Variants in DLGAP2 observed in about 807,000 individuals in gnomAD.
DLGAP2 encodes the protein disks large-associated protein 2.
Under a neutral mutation model 100.3 loss-of-function variants are expected in DLGAP2, and 26 were observed. That is an observed-to-expected ratio of 0.26 (90% confidence interval 0.19 to 0.36). The LOEUF is 0.36. Among genes scored for constraint, DLGAP2 ranks in the 10% least tolerant of loss-of-function variants. The probability of loss-of-function intolerance (pLI) is 1.00; values close to 1 mark genes in which losing one functional copy is unlikely to be tolerated. For missense variants in DLGAP2, 1,858 were observed against 1,453.2 expected (o/e 1.28, Z -4.53); for synonymous variants, 886 against 630.1 (o/e 1.41, Z -6.08).
intron 3 of DLGAP2, among the ~76,000 whole-genome samples, chr8:1,289,144 G>C (rs1286830505): frequency 6.6e-6 from 1 of 152,180 alleles, no homozygotes; most frequent in Non-Finnish European, 1.5e-5. Context: ...TTTTAGCCTG[G>C]AGAAAGCCAA....
At chr8:1,479,945 G>GT (rs1799043279) in intron 3 of DLGAP2, among the ~76,000 whole-genome samples, 1 of 152,194 alleles carries the variant, frequency 6.6e-6, no homozygotes, top group Non-Finnish European at 1.5e-5. Context: ...TAGTGCTGGC[G>GT]TGACTTTTGT....
intron 1 of DLGAP2, among the ~76,000 whole-genome samples, chr8:821,883 G>A (rs552762150): frequency 2.6e-5 from 4 of 152,346 alleles, no homozygotes; most frequent in Middle Eastern, 3.4e-3. Flanking sequence ...CGCACACAGC[G>A]TGCCATTCCA....
intron 13 of DLGAP2, among the ~76,000 whole-genome samples, chr8:1,695,615 G>T (rs1799377886): frequency 6.6e-6 from 1 of 152,044 alleles, no homozygotes; most frequent in African/African-American, 2.4e-5. Context: ...CAGAAAGAGG[G>T]GGCACAGCCA....
intron 2 of DLGAP2, among the ~76,000 whole-genome samples, chr8:949,103 G>C (rs1799409850): frequency 1.3e-5 from 2 of 152,358 alleles, no homozygotes; most frequent in South Asian, 4.1e-4. Context: ...TGGGGTGGTT[G>C]GAGGTCGTGG....
intron 6 of DLGAP2, among the ~76,000 whole-genome samples, chr8:1,573,709 C>T (rs551508063): frequency 2.0e-5 from 3 of 152,236 alleles, no homozygotes; most frequent in South Asian, 4.1e-4. Context: ...AAGGGCCTGC[C>T]AAGGGCCTTT....
At chr8:817,322 T>G (rs1796501107) in intron 1 of DLGAP2, among the ~76,000 whole-genome samples, 2 of 152,208 alleles carry the variant, frequency 1.3e-5, no homozygotes, top group South Asian at 4.1e-4. Context: ...TCATCATTGT[T>G]TTTTATTTAT....
chr8:1,454,571 C>T (rs947893458), intron 3 of DLGAP2, among the ~76,000 whole-genome samples: 3 of 152,146 alleles, frequency 2.0e-5, no homozygotes, highest in African/African-American at 7.2e-5. Context: ...TGTGAGTGTT[C>T]ATTGCAAGGA....
At chr8:791,643 T>C (rs1303547711) in intron 1 of DLGAP2, among the ~76,000 whole-genome samples, 4 of 152,228 alleles carry the variant, frequency 2.6e-5, no homozygotes, top group Non-Finnish European at 5.9e-5. Context: ...TGATGTAATA[T>C]GCCAAATCTT....
chr8:1,509,517 C>G (rs561203165), intron 4 of DLGAP2, among the ~76,000 whole-genome samples: 25 of 151,736 alleles, frequency 1.6e-4, no homozygotes, highest in African/African-American at 5.8e-4. Flanking sequence ...GGAGCAATAC[C>G]TTGCAGCCAT....
At chr8:1,511,053 G>A (rs1470135088) in intron 4 of DLGAP2, among the ~76,000 whole-genome samples, 1 of 152,244 alleles carries the variant, frequency 6.6e-6, no homozygotes, top group Non-Finnish European at 1.5e-5. Context: ...AGTTAGTTCA[G>A]CTTGAAACCT....
intron 1 of DLGAP2, among the ~76,000 whole-genome samples, chr8:865,788 A>C (rs893838178): frequency 1.3e-5 from 2 of 152,162 alleles, no homozygotes; most frequent in Non-Finnish European, 2.9e-5. Flanking sequence ...CTTCGTGTAC[A>C]TTCCAGCTCA....
intron 3 of DLGAP2, among the ~76,000 whole-genome samples, chr8:1,352,096 G>C (rs1462245155): frequency 1.2e-5 from 1 of 86,172 alleles, no homozygotes; most frequent in African/African-American, 3.9e-5. Context: ...GTGTGGAAAG[G>C]CCGTGCGGGT....
intron 2 of DLGAP2, among the ~76,000 whole-genome samples, chr8:908,627 C>T (rs944026884): frequency 6.6e-6 from 1 of 152,184 alleles, no homozygotes. Flanking sequence ...AAGAATCAGT[C>T]AGGGCTTGTT....
chr8:793,830 A>G (rs1339294714), intron 1 of DLGAP2, among the ~76,000 whole-genome samples: 1 of 152,204 alleles, frequency 6.6e-6, no homozygotes, highest in Non-Finnish European at 1.5e-5. Flanking sequence ...ACCAAGGACA[A>G]CATCTTCCTT....
At chr8:1,491,271 G>T (rs1025738880) in intron 3 of DLGAP2, among the ~76,000 whole-genome samples, 7 of 152,106 alleles carry the variant, frequency 4.6e-5, no homozygotes, top group South Asian at 2.1e-4. Context: ...TGGCAGCCCT[G>T]CCCAGGAACT....
intron 3 of DLGAP2, among the ~76,000 whole-genome samples, chr8:1,489,381 C>T (rs980227133): frequency 6.6e-6 from 1 of 152,164 alleles, no homozygotes; most frequent in Admixed American, 6.5e-5. Flanking sequence ...CTGTGGGTGT[C>T]TTTCTAGATC....
chr8:920,040 A>C (rs769873472), intron 2 of DLGAP2, among the ~76,000 whole-genome samples: 17 of 152,166 alleles, frequency 1.1e-4, no homozygotes, highest in Non-Finnish European at 2.4e-4. Flanking sequence ...TGTTACAGAG[A>C]AAGCACGCGG....
chr8:1,620,688 C>T (rs7835635), intron 6 of DLGAP2, among the ~76,000 whole-genome samples: 43,970 of 151,928 alleles, frequency 0.29, 7,109 homozygotes, highest in Middle Eastern at 0.44. Flanking sequence ...TTTGGTGTCT[C>T]ATGAGAAACC....
At chr8:1,253,830 G>T (rs1017683940) in intron 2 of DLGAP2, among the ~76,000 whole-genome samples, 6 of 152,166 alleles carry the variant, frequency 3.9e-5, no homozygotes, top group Non-Finnish European at 5.9e-5. Flanking sequence ...TTTTTAATGG[G>T]TGTTCCTTGG....
Sources: allele counts gnomAD v4.1 joint callset (sites outside exome capture counted in the v4.1 genomes callset), GRCh38; gene constraint gnomAD v4.1.1; transcripts MANE v1.5; gene names NCBI Gene and HGNC (gene_info 2026-07-23, HGNC 2026-07-21).